The following COL4A3 variants were observed in gnomAD, a reference collection of about 807,000 sequenced individuals.
COL4A3 encodes collagen alpha-3(IV) chain.
In COL4A3, 135 loss-of-function variants were observed where a neutral mutation model predicts 217.4. The ratio of observed to expected loss-of-function variants is 0.62; its 90% confidence interval spans 0.54 to 0.72. COL4A3 has a LOEUF of 0.72. COL4A3 is among the 30% of genes least tolerant of loss of function. The probability of loss-of-function intolerance (pLI) is 0.00; values close to 1 mark genes in which losing one functional copy is unlikely to be tolerated. For missense variants in COL4A3, 1,868 were observed against 2,119.9 expected, an observed-to-expected ratio of 0.88 and a Z score of 2.33; for synonymous variants, 690 against 736.3, an observed-to-expected ratio of 0.94 and a Z score of 1.02.
chr2:227,249,226 A>ATT (rs1225037194), intron 9 of COL4A3, among the ~76,000 whole-genome samples: 11 of 24,206 alleles, frequency 4.5e-4, no homozygotes, highest in African/African-American at 1.4e-3. Flanking sequence ...ATATATATAT[A>ATT]TATATTTTTT....
intron 20 of COL4A3, among the ~76,000 whole-genome samples, chr2:227,262,756 A>G (rs933295221): frequency 1.1e-4 from 16 of 152,112 alleles, no homozygotes; most frequent in Admixed American, 7.2e-4. Context: ...CTGCAATTTT[A>G]CTGAATTTGT....
Position 227,240,215 on chromosome 2 carries a change from G to C in COL4A3, c.217G>C (p.Gly73Arg). Residue 73 changes from glycine (G) to arginine (R), a missense_variant, in exon 3 of 52, where the codon GGA becomes CGA. Physicochemically the swap from Gly to Arg is moderately radical, Grantham distance 125. This residue lies in a region of COL4A3 where 365 missense variants were observed against 333.8 expected (regional missense o/e 1.09). Coordinates refer to ENST00000396578, the MANE Select transcript of COL4A3 (RefSeq NM_000091.5). ...ATTCACAGGTCCTGAAGGCTTGCCT[G>C]GACCGCAGGGACCCAAGGTATGTCA... ...KGFTGPEGLPGPQGPKGFPGL... is the reference protein window; with the variant it reads ...KGFTGPEGLPRPQGPKGFPGL... The C allele has an allele frequency of 6.2e-7, 1 of 1,610,392 alleles. No individual in the cohort carries two copies. Among genetic ancestry groups the C allele is most frequent in the Non-Finnish European group, 8.5e-7 (1 of 1,178,536 alleles).
chr2:227,190,391 G>A (rs1214183312), intron 1 of COL4A3, among the ~76,000 whole-genome samples: 1 of 152,160 alleles, frequency 6.6e-6, no homozygotes, highest in Non-Finnish European at 1.5e-5. Flanking sequence ...CATGCATGAT[G>A]CTTCTCACAA....
intron 41 of COL4A3, 116 bp from the exon 42 acceptor site, chr2:227,297,558 A>T: frequency 1.1e-6 from 1 of 894,272 alleles, no homozygotes; most frequent in Non-Finnish European, 1.7e-6. Context: ...TTTTAGAAAC[A>T]TATATTCTGA....
At position 227,293,214 on chromosome 2, in the gene COL4A3, T is replaced by C; in HGVS notation, c.3234T>C (p.Asp1078=). The stretch of plus-strand genomic sequence containing the variant: ...AGGGGGATCCAGGACTGCCGGGTGA[T>C]ATGGGAAAGAAAGGAGAAATGGGGC... The part of the protein sequence containing the change: ...GPTGDPGLPG[D]MGKKGEMGQP... Residue 1078 remains aspartate (D), a synonymous_variant, in exon 38 of 52, where the codon GAT becomes GAC. Coordinates refer to ENST00000396578, the MANE Select transcript of COL4A3 (RefSeq NM_000091.5). 6 of 1,613,944 alleles carry C rather than the reference T, an allele frequency of 3.7e-6. No homozygotes were observed. The highest frequency in any genetic ancestry group is 5.1e-6 in the Non-Finnish European group (6 of 1,180,022).
At chr2:227,245,703 T>C (rs2069293841) in intron 5 of COL4A3, 2 of 551,338 alleles carry the variant, frequency 3.6e-6, no homozygotes, top group Non-Finnish European at 6.5e-6. Context: ...AAGGACTCTT[T>C]TATTTTATGG....
chr2:227,220,247 A>G (rs1459802733), intron 1 of COL4A3, among the ~76,000 whole-genome samples: 2 of 134,908 alleles, frequency 1.5e-5, no homozygotes, highest in African/African-American at 2.8e-5. Context: ...CAGTGGTGCA[A>G]TCTCAGCTCA....
At chr2:227,257,802 T>A (rs952291959) in intron 18 of COL4A3, among the ~76,000 whole-genome samples, 158 bp downstream of exon 18, 10 of 152,214 alleles carry the variant, frequency 6.6e-5, no homozygotes, top group African/African-American at 9.6e-5. Flanking sequence ...TCACTATGTG[T>A]CCCTTTGACC....
At chr2:227,301,197 C>G (rs1367443314) in intron 43 of COL4A3, among the ~76,000 whole-genome samples, 1 of 152,210 alleles carries the variant, frequency 6.6e-6, no homozygotes, top group Non-Finnish European at 1.5e-5. Flanking sequence ...ATTCACCAAG[C>G]TTTAAATCTA....
chr2:227,252,453 T>A (rs897734878), intron 11 of COL4A3, among the ~76,000 whole-genome samples: 2 of 151,862 alleles, frequency 1.3e-5, no homozygotes, highest in Admixed American at 1.3e-4. Context: ...CGACCTCAGG[T>A]GATCCGCCCG....
At position 227,228,262 on chromosome 2, in the gene COL4A3, C is replaced by A. The variant is rs530773021; in HGVS notation, c.88-9706C>A. Among the ~76,000 whole-genome samples the A allele has an allele frequency of 5.9e-5, 9 of 152,344 alleles. No homozygotes were observed. The South Asian group carries it at 6.2e-4, about 11-fold the overall frequency. The stretch of plus-strand genomic sequence containing the variant: ...CGCAAAGCAGTCCATGGGTGTCATT[C>A]TTCTTCACTGGAGGGCATGGTGCCA... On this transcript the variant is annotated intron_variant, in intron 1 of 51. Coordinates refer to ENST00000396578, the MANE Select transcript of COL4A3 (RefSeq NM_000091.5).
intron 26 of COL4A3, 81 bp from the exon 27 acceptor site, chr2:227,276,304 C>G (rs2071557004): frequency 1.9e-6 from 2 of 1,039,352 alleles, no homozygotes; most frequent in East Asian, 2.4e-5. Context: ...GTTTATAAAC[C>G]CTTTATAATC....
At chr2:227,256,287 C>T (rs1385014828) in intron 16 of COL4A3, 56 bp from the exon 17 acceptor site, 19 of 1,514,544 alleles carry the variant, frequency 1.3e-5, no homozygotes, top group Non-Finnish European at 1.7e-5. Flanking sequence ...CCTGCTCCCC[C>T]AGAAGAAGTT....
At chr2:227,268,181 G>T (rs2071030106) in intron 23 of COL4A3, among the ~76,000 whole-genome samples, 1 of 152,308 alleles carries the variant, frequency 6.6e-6, no homozygotes, top group Non-Finnish European at 1.5e-5. Context: ...TGGCCTGTGT[G>T]TTGGGCGCTG....
intron 1 of COL4A3, among the ~76,000 whole-genome samples, chr2:227,204,705 G>T (rs779439253): frequency 6.6e-6 from 1 of 152,184 alleles, no homozygotes; most frequent in East Asian, 1.9e-4. Flanking sequence ...CCCCAGATTT[G>T]CCTCAGCCAC....
chr2:227,180,084 T>G (rs930483767), intron 1 of COL4A3, among the ~76,000 whole-genome samples: 3 of 152,190 alleles, frequency 2.0e-5, no homozygotes, highest in Non-Finnish European at 2.9e-5. Flanking sequence ...GGTGCGGTGC[T>G]TTTACTGTCT....
chr2:227,198,765 GA>G (rs1197726591), intron 1 of COL4A3, among the ~76,000 whole-genome samples: 1 of 152,126 alleles, frequency 6.6e-6, no homozygotes, highest in East Asian at 1.9e-4. Context: ...AGAGCCTGTA[GA>G]AAAGGAAAAG....
rs878974366 is a variant in COL4A3 at position 227,294,196 on chromosome 2, AT to A, written c.3338-293del. The A allele has an allele frequency of 1.7e-4, 65 of 390,560 alleles. 1 individual carries two copies. The highest frequency in any genetic ancestry group is 1.6e-3 in the South Asian group (60 of 38,616). The allele number at this position is 390,560 out of a possible 1,614,324, so 24.2% of individuals were successfully genotyped here. A position where few individuals can be genotyped will look rare whatever the true frequency, so the allele number is the denominator to read the frequency against. On this transcript the variant is annotated intron_variant, in intron 38 of 51. Transcript: ENST00000396578. The stretch of plus-strand genomic sequence containing the variant: ...TAAATACAATAAACTACCTGTTCAA[AT>A]ACAGAAAGTTTCAATAAATTTGCAT...
intron 15 of COL4A3, among the ~76,000 whole-genome samples, chr2:227,255,371 G>A (rs907787924): frequency 1.3e-5 from 2 of 152,032 alleles, no homozygotes; most frequent in South Asian, 2.1e-4. Context: ...GATCCATTTT[G>A]GAAAGATTTA....
Sources: allele counts gnomAD v4.1 joint callset (sites outside exome capture counted in the v4.1 genomes callset), GRCh38; gene constraint gnomAD v4.1.1; regional missense constraint gnomAD v4.1.1; transcripts MANE v1.5; gene names NCBI Gene and HGNC (gene_info 2026-07-23, HGNC 2026-07-21).